The following GRXCR2 variants were observed in gnomAD, a reference collection of about 807,000 sequenced individuals.
The protein encoded by GRXCR2 is glutaredoxin domain-containing cysteine-rich protein 2.
GRXCR2 carries 23 observed loss-of-function variants against 24.8 expected under a neutral mutation model. The ratio of observed to expected loss-of-function variants is 0.93; its 90% CI spans 0.67 to 1.32. GRXCR2 has a LOEUF of 1.32. GRXCR2 is among the 40% of genes most tolerant of loss of function. The pLI, the probability that GRXCR2 is intolerant of heterozygous loss-of-function variation, is 0.00. For synonymous variants in GRXCR2, 130 were observed against 116.1 expected (o/e 1.12, Z -0.77); for missense variants, 315 against 303.4 (o/e 1.04, Z -0.28).
At chr5:145,905,231 T>A (rs1221607908) in intron 2 of GRXCR2, among the ~76,000 whole-genome samples, 1 of 152,222 alleles carries the variant, frequency 6.6e-6, no homozygotes, top group African/African-American at 2.4e-5. Flanking sequence ...TTACCACTTA[T>A]CAGCTATGCA....
chr5:145,917,978 C>T (rs1757264414), intron 2 of GRXCR2, among the ~76,000 whole-genome samples: 1 of 152,140 alleles, frequency 6.6e-6, no homozygotes, highest in Non-Finnish European at 1.5e-5. Context: ...CGGGGCTTCA[C>T]CATGTTGGCC....
At chr5:145,900,156 G>A (rs436680) in intron 2 of GRXCR2, among the ~76,000 whole-genome samples, 14,278 of 152,098 alleles carry the variant, frequency 0.094, 1,623 homozygotes, top group African/African-American at 0.27. Flanking sequence ...AATCCCCAAT[G>A]TTGGAGGAGG....
chr5:145,891,853 C>T (rs1756869566), intron 2 of GRXCR2, among the ~76,000 whole-genome samples: 1 of 152,192 alleles, frequency 6.6e-6, no homozygotes, highest in South Asian at 2.1e-4. Flanking sequence ...GGTCCCTGAC[C>T]CCCGAGCAGC....
intron 2 of GRXCR2, among the ~76,000 whole-genome samples, chr5:145,888,474 C>A (rs1756807192): frequency 6.6e-6 from 1 of 152,156 alleles, no homozygotes; most frequent in African/African-American, 2.4e-5. Flanking sequence ...TCAAACCTCT[C>A]TGCTAACAAC....
At chr5:145,888,221 G>A (rs1263018376) in intron 2 of GRXCR2, among the ~76,000 whole-genome samples, 1 of 152,178 alleles carries the variant, frequency 6.6e-6, no homozygotes, top group African/African-American at 2.4e-5. Flanking sequence ...ACTAGGAAAG[G>A]ATGTGATTGT....
chr5:145,930,141 G>C (rs1367066447), intron 2 of GRXCR2, among the ~76,000 whole-genome samples: 2 of 152,020 alleles, frequency 1.3e-5, no homozygotes, highest in East Asian at 3.9e-4. Flanking sequence ...CTGGAGTGCA[G>C]TGGTGCAATC....
intron 2 of GRXCR2, among the ~76,000 whole-genome samples, chr5:145,866,295 T>C (rs1344115120): frequency 6.6e-6 from 1 of 152,154 alleles, no homozygotes; most frequent in East Asian, 1.9e-4. Flanking sequence ...AAATTTAGAG[T>C]ATCTGAAATA....
chr5:145,918,859 C>T (rs1233967667), intron 2 of GRXCR2, among the ~76,000 whole-genome samples: 1 of 152,194 alleles, frequency 6.6e-6, no homozygotes, highest in Non-Finnish European at 1.5e-5. Context: ...ACACTACCTT[C>T]GTGCCTGGGA....
chr5:145,871,387 T>A lies in GRXCR2; in HGVS notation c.336+1246A>T, dbSNP rs192298699. ...AGCATCAGAAGATCTGGATTCTTAT[T>A]CTGACTCTGTACCCAATGACCCTGT... is the stretch of plus-strand genomic sequence containing the variant. On this transcript the variant is annotated intron_variant, in intron 1 of 2. Transcript: ENST00000377976. Among the ~76,000 whole-genome samples, 19 of 152,314 alleles carry A rather than the reference T, an allele frequency of 1.2e-4. No individual in the cohort carries two copies. In the East Asian group the frequency reaches 3.7e-3, roughly 29 times the overall value.
chr5:145,906,892 C>CTGG (rs144938975), intron 2 of GRXCR2, among the ~76,000 whole-genome samples: 36,586 of 152,086 alleles, frequency 0.24, 7,144 homozygotes, highest in African/African-American at 0.53. Flanking sequence ...GGGGAGGGAA[C>CTGG]ATGGAAGCAA....
intron 2 of GRXCR2, among the ~76,000 whole-genome samples, chr5:145,920,336 C>A (rs1019455407): frequency 6.6e-6 from 1 of 152,164 alleles, no homozygotes; most frequent in Non-Finnish European, 1.5e-5. Flanking sequence ...AACTAGAAAC[C>A]GTGGGGATGG....
intron 1 of GRXCR2, among the ~76,000 whole-genome samples, chr5:145,866,938 T>C (rs746625428): frequency 9.2e-5 from 14 of 152,160 alleles, no homozygotes; most frequent in African/African-American, 3.1e-4. Flanking sequence ...TTCCTGTTGA[T>C]GGTGACCAAT....
intron 2 of GRXCR2, among the ~76,000 whole-genome samples, chr5:145,909,955 A>C (rs999207750): frequency 5.3e-5 from 8 of 152,162 alleles, no homozygotes; most frequent in African/African-American, 1.9e-4. Flanking sequence ...ACGATCAGAC[A>C]CGATTTCTCC....
At chr5:145,890,080 T>A (rs897688075) in intron 2 of GRXCR2, among the ~76,000 whole-genome samples, 3 of 151,862 alleles carry the variant, frequency 2.0e-5, no homozygotes, top group Non-Finnish European at 4.4e-5. Flanking sequence ...AAGACAAAAG[T>A]TTTTGTTTTG....
In GRXCR2 at chr5:145,914,675, CAAAAAAAA is replaced by C. The variant is rs34955541; in HGVS notation, c.-70+21018_-70+21025del. ...TGGGTGATCGAACAAGACTCCATCT[CAAAAAAAA>C]AAAAAAAAAAAAAAAAAAATCTGAT... On this transcript the variant is annotated intron_variant, in intron 2 of 3. Coordinates refer to the GRXCR2 transcript ENST00000639411. Among the ~76,000 whole-genome samples the C allele has an allele frequency of 1.0e-3, 55 of 55,252 alleles. No homozygotes were observed. In the Middle Eastern group the frequency reaches 0.036, roughly 36 times the overall value. 36.2% of individuals were successfully genotyped at this position (55,252 alleles called of 152,430 possible).
intron 2 of GRXCR2, among the ~76,000 whole-genome samples, chr5:145,902,127 G>C (rs1301771910): frequency 2.0e-5 from 3 of 152,004 alleles, no homozygotes; most frequent in Non-Finnish European, 4.4e-5. Flanking sequence ...ATGGGGTCTT[G>C]CTCTGTCACT....
intron 2 of GRXCR2, among the ~76,000 whole-genome samples, chr5:145,926,927 T>C (rs977701118): frequency 1.2e-4 from 19 of 152,214 alleles, no homozygotes; most frequent in African/African-American, 4.6e-4. Context: ...GTAGTTCTCA[T>C]TGAAGAGGTC....
intron 2 of GRXCR2, among the ~76,000 whole-genome samples, chr5:145,882,295 A>T (rs1756713608): frequency 6.6e-6 from 1 of 152,206 alleles, no homozygotes; most frequent in African/African-American, 2.4e-5. Context: ...AATATCCAGA[A>T]TCTACAATGA....
chr5:145,910,313 G>A (rs1757148266), intron 2 of GRXCR2, among the ~76,000 whole-genome samples: 1 of 152,104 alleles, frequency 6.6e-6, no homozygotes, highest in Admixed American at 6.6e-5. Context: ...GAAGCTAAGA[G>A]TCTCTTGGCC....
Sources: gnomAD v4.1 joint callset for allele counts (sites outside exome capture counted in the v4.1 genomes callset) on GRCh38, gnomAD v4.1.1 for gene constraint, MANE v1.5 for transcripts, NCBI Gene and HGNC (gene_info 2026-07-23, HGNC 2026-07-21) for gene names.